The following BIRC6 variants were observed in gnomAD, a reference collection of about 807,000 sequenced individuals.
The protein encoded by BIRC6 is baculoviral IAP repeat containing 6.
Under a neutral mutation model 503.3 loss-of-function variants are expected in BIRC6, and 98 were observed. The observed-to-expected ratio is 0.19, with a 90% CI of 0.17 to 0.23. The LOEUF (loss-of-function observed/expected upper bound fraction) is 0.23, where lower values mean the gene tolerates loss of function less well. BIRC6 is among the 10% of genes least tolerant of loss of function. The pLI, the probability that BIRC6 is intolerant of heterozygous loss-of-function variation, is 1.00. For synonymous variants in BIRC6, 2,240 were observed against 2,078.7 expected, an observed-to-expected ratio of 1.08 and a Z score of -2.11; for missense variants, 5,360 against 5,806.0, an observed-to-expected ratio of 0.92 and a Z score of 2.50.
intron 45 of BIRC6, among the ~76,000 whole-genome samples, chr2:32,497,540 C>CT (rs1477353921): frequency 2.0e-5 from 3 of 152,256 alleles, no homozygotes. Flanking sequence ...TTTTCTAGGT[C>CT]TTGGACTATT....
intron 44 of BIRC6, among the ~76,000 whole-genome samples, chr2:32,492,557 T>C (rs1006359605): frequency 3.9e-5 from 6 of 151,990 alleles, no homozygotes; most frequent in African/African-American, 9.7e-5. Flanking sequence ...GACTTAATTG[T>C]TTTACATGTA....
chr2:32,449,560 ATGT>A (rs1234805737), intron 22 of BIRC6, among the ~76,000 whole-genome samples: 3 of 152,196 alleles, frequency 2.0e-5, no homozygotes, highest in African/African-American at 7.2e-5. Context: ...CTTATTGCAG[ATGT>A]TGTTAGGATA....
At chr2:32,601,136 T>C (rs1221882290) in intron 70 of BIRC6, among the ~76,000 whole-genome samples, 1 of 152,250 alleles carries the variant, frequency 6.6e-6, no homozygotes, top group Non-Finnish European at 1.5e-5. Context: ...ATGGTATATG[T>C]ATGACAGCAC....
chr2:32,387,141 C>G (rs1033780330), intron 3 of BIRC6, among the ~76,000 whole-genome samples: 10 of 152,116 alleles, frequency 6.6e-5, no homozygotes, highest in Admixed American at 3.3e-4. Context: ...GTAGTGAATG[C>G]CCATAGGTCT....
At chr2:32,557,394 G>A (rs2150570368) in intron 65 of BIRC6, 1 of 152,222 alleles carries the variant, frequency 6.6e-6, no homozygotes, top group East Asian at 1.9e-4. Context: ...AATGGTTGTA[G>A]CATTTTTGCT....
At chr2:32,424,104 T>A (rs902173058) in intron 10 of BIRC6, among the ~76,000 whole-genome samples, 3 of 152,214 alleles carry the variant, frequency 2.0e-5, no homozygotes, top group Non-Finnish European at 4.4e-5. Context: ...ATGTGCAGAT[T>A]TCTAAGATTT....
chr2:32,395,735 C>A, intron 6 of BIRC6, 142 bp downstream of exon 6: 1 of 633,342 alleles, frequency 1.6e-6, no homozygotes, highest in East Asian at 2.7e-5. Context: ...TGAGCTAGCC[C>A]TGTCTATACT....
At chr2:32,407,216 C>T (rs550464846) in intron 9 of BIRC6, among the ~76,000 whole-genome samples, 5 of 152,060 alleles carry the variant, frequency 3.3e-5, no homozygotes, top group East Asian at 3.9e-4. Context: ...GAGGCCACAG[C>T]GGGTGGATCA....
intron 1 of BIRC6, among the ~76,000 whole-genome samples, 170 bp from the exon 2 acceptor site, chr2:32,377,418 A>G (rs527652459): frequency 6.6e-6 from 1 of 152,158 alleles, no homozygotes; most frequent in Non-Finnish European, 1.5e-5. Flanking sequence ...AATTTATGGT[A>G]CATATTTGAA....
At chr2:32,601,227 G>A (rs1020349147) in intron 70 of BIRC6, among the ~76,000 whole-genome samples, 2 of 152,192 alleles carry the variant, frequency 1.3e-5, no homozygotes, top group Admixed American at 1.3e-4. Context: ...AACGTATTTT[G>A]CGTTCTTGCT....
intron 54 of BIRC6, among the ~76,000 whole-genome samples, 152 bp from the exon 55 acceptor site, chr2:32,514,838 A>G (rs2054852987): frequency 6.6e-6 from 1 of 152,214 alleles, no homozygotes; most frequent in South Asian, 2.1e-4. Context: ...ATATATATAT[A>G]TATGCAGTCT....
chr2:32,408,190 A>G (rs1324139780), intron 9 of BIRC6, among the ~76,000 whole-genome samples: 1 of 151,028 alleles, frequency 6.6e-6, no homozygotes, highest in Non-Finnish European at 1.5e-5. Context: ...CTCATCTTGA[A>G]CTCCTGACCT....
intron 65 of BIRC6, among the ~76,000 whole-genome samples, chr2:32,567,980 C>A (rs768527502): frequency 1.3e-5 from 2 of 151,968 alleles, no homozygotes; most frequent in African/African-American, 4.8e-5. Flanking sequence ...GGCATGGTGG[C>A]GGGCACCTGT....
chr2:32,558,694 C>T (rs957066880), intron 65 of BIRC6: 3 of 152,136 alleles, frequency 2.0e-5, no homozygotes, highest in African/African-American at 7.2e-5. Context: ...AGATATGTTG[C>T]TTTAGTCCAC....
At chr2:32,408,863 A>G (rs2149875344) in intron 9 of BIRC6, among the ~76,000 whole-genome samples, 1 of 152,282 alleles carries the variant, frequency 6.6e-6, no homozygotes, top group East Asian at 1.9e-4. Flanking sequence ...GCCTCATTTG[A>G]GGATTTGTAA....
chr2:32,381,564 G>A (rs1404908374), intron 3 of BIRC6, among the ~76,000 whole-genome samples: 1 of 137,594 alleles, frequency 7.3e-6, no homozygotes, highest in East Asian at 2.1e-4. Flanking sequence ...TTTTTGGTTC[G>A]AGACAGAGTC....
intron 3 of BIRC6, among the ~76,000 whole-genome samples, chr2:32,386,271 A>G (rs192198049): frequency 3.6e-4 from 55 of 152,282 alleles, no homozygotes; most frequent in Admixed American, 3.3e-3. Context: ...ACCAGATATC[A>G]GGGGATTTGT....
chr2:32,430,962 G>C lies in BIRC6; in HGVS notation c.3120G>C (p.Ala1040=). 6.2e-7 allele frequency: 1 copy of C among 1,613,222 alleles called. No homozygotes were observed. The highest frequency in any genetic ancestry group is 1.1e-5 in the South Asian group (1 of 91,060). Residue 1040 remains alanine, a synonymous_variant, in exon 12 of 74, where the codon GCG becomes GCC. Transcript: ENST00000421745. ...AGACTTTGACTCCAAGGTTTTCAGC[G>C]ACTGTTCCTCCATGCTGGGTAGAAG... ...RFETLTPRFS[A]TVPPCWVEVQ...
At chr2:32,567,358 CAG>C (rs1313562395) in intron 65 of BIRC6, among the ~76,000 whole-genome samples, 4 of 152,158 alleles carry the variant, frequency 2.6e-5, no homozygotes, top group Admixed American at 6.5e-5. Flanking sequence ...ATTTATAAAA[CAG>C]AATGTCAGGA....
Sources: allele counts gnomAD v4.1 joint callset (sites outside exome capture counted in the v4.1 genomes callset), GRCh38; gene constraint gnomAD v4.1.1; transcripts MANE v1.5; gene names NCBI Gene and HGNC (gene_info 2026-07-23, HGNC 2026-07-21).